CDH2: variants seen among roughly 807,000 people sequenced by gnomAD.
The protein encoded by CDH2 is cadherin-2.
A neutral mutation model predicts 92.0 loss-of-function variants in CDH2; 17 were observed. The observed-to-expected ratio is 0.18, with a 90% CI of 0.13 to 0.28. The LOEUF is 0.28. Ranked by LOEUF, CDH2 falls within the 10% of genes least tolerant of loss-of-function variation. CDH2 has a pLI of 1.00. For missense variants in CDH2, 862 were observed against 1,133.1 expected, an observed-to-expected ratio of 0.76 and a Z score of 3.44; for synonymous variants, 419 against 415.9, an observed-to-expected ratio of 1.01 and a Z score of -0.09.
chr18:28,072,826 G>A (rs1567987422), intron 2 of CDH2, among the ~76,000 whole-genome samples: 2 of 152,146 alleles, frequency 1.3e-5, no homozygotes, highest in African/African-American at 2.4e-5. Context: ...ACATGAAAGC[G>A]ACAACATATG....
intron 2 of CDH2, among the ~76,000 whole-genome samples, chr18:28,124,405 C>T: frequency 6.6e-6 from 1 of 152,092 alleles, no homozygotes; most frequent in African/African-American, 2.4e-5. Context: ...AAACCACACC[C>T]CTTTATCCTG....
intron 2 of CDH2, among the ~76,000 whole-genome samples, chr18:28,058,102 G>A (rs1381236725): frequency 6.6e-6 from 1 of 152,170 alleles, no homozygotes; most frequent in African/African-American, 2.4e-5. Context: ...ATTTCAATGG[G>A]ATGTAAATAT....
At chr18:28,066,576 A>G (rs2014511736) in intron 2 of CDH2, among the ~76,000 whole-genome samples, 1 of 152,158 alleles carries the variant, frequency 6.6e-6, no homozygotes, top group Non-Finnish European at 1.5e-5. Context: ...CAAGCATGTA[A>G]TTAAAACCAT....
Position 28,050,714 on chromosome 18 carries a change from C to T in CDH2, c.173-36805G>A, listed in dbSNP as rs541146561. Reference sequence around the variant, plus strand: ...CTTTTGTTGCTCTGCAGGGACTCATCTAGCACTGAAATAGCTCTCCCATTC... The same window carrying T: ...CTTTTGTTGCTCTGCAGGGACTCATTTAGCACTGAAATAGCTCTCCCATTC... On this transcript the variant is annotated intron_variant, in intron 2 of 15. Transcript: ENST00000269141. Among the ~76,000 whole-genome samples the T allele has an allele frequency of 5.6e-4, 86 of 152,278 alleles. 1 individual carries two copies. In the South Asian group the frequency reaches 0.017, roughly 31 times the overall value.
chr18:28,139,500 A>T (rs2015918723), intron 2 of CDH2, among the ~76,000 whole-genome samples: 1 of 151,976 alleles, frequency 6.6e-6, no homozygotes, highest in Non-Finnish European at 1.5e-5. Context: ...CAAGCTTCTG[A>T]TCCTTGTCCT....
intron 14 of CDH2, among the ~76,000 whole-genome samples, chr18:27,976,656 AATGT>A (rs1456161631): frequency 6.6e-6 from 1 of 152,210 alleles, no homozygotes; most frequent in Non-Finnish European, 1.5e-5. Flanking sequence ...CAAATGAACT[AATGT>A]ATATTTCAAT....
intron 2 of CDH2, among the ~76,000 whole-genome samples, chr18:28,071,648 T>C (rs1422489730): frequency 2.0e-5 from 3 of 152,240 alleles, no homozygotes; most frequent in Non-Finnish European, 4.4e-5. Context: ...CAAGTTGGCA[T>C]GCATTTTCTT....
intron 2 of CDH2, among the ~76,000 whole-genome samples, chr18:28,061,779 T>C (rs1234566162): frequency 6.6e-6 from 1 of 152,140 alleles, no homozygotes; most frequent in Non-Finnish European, 1.5e-5. Flanking sequence ...CGAAGGAATG[T>C]CTTACATGGC....
rs1365720446 is a variant in CDH2, at chr18:27,951,280, C to CT, written c.*872dup. ...TTAAAAAAATTAAAAATTGAGTATT[C>CT]TAACTACAGCTCAACAATTGAATCA... On this transcript the variant is annotated 3_prime_UTR_variant, in exon 16 of 16. Transcript: ENST00000269141. 6.6e-6 allele frequency: 1 copy of CT among 151,560 alleles called. No individual in the cohort carries two copies. The highest frequency in any genetic ancestry group is 1.5e-5 in the Non-Finnish European group (1 of 67,838). 9.4% of individuals were successfully genotyped at this position (151,560 alleles called of 1,614,324 possible).
At chr18:28,074,800 T>TA (rs1033268423) in intron 2 of CDH2, among the ~76,000 whole-genome samples, 7 of 150,724 alleles carry the variant, frequency 4.6e-5, no homozygotes, top group East Asian at 1.9e-4. Flanking sequence ...GCCTAATCAT[T>TA]AAAAAAAAAT....
intron 14 of CDH2, among the ~76,000 whole-genome samples, chr18:27,964,555 T>C (rs1273095889): frequency 6.6e-6 from 1 of 152,220 alleles, no homozygotes; most frequent in Non-Finnish European, 1.5e-5. Context: ...AGGCTTCATC[T>C]CTCTGTCTGA....
intron 1 of CDH2, among the ~76,000 whole-genome samples, chr18:28,169,521 T>A (rs1490803184): frequency 6.6e-6 from 1 of 152,150 alleles, no homozygotes; most frequent in Non-Finnish European, 1.5e-5. Context: ...CACCCAAACA[T>A]TAAGTAACAT....
chr18:28,146,178 T>C lies in CDH2; in HGVS notation c.172+1495A>G, dbSNP rs1039658832. 3 of 152,204 alleles carry C rather than the reference T, an allele frequency of 2.0e-5. No individual in the cohort carries two copies. In the East Asian group the frequency reaches 5.8e-4, roughly 29 times the overall value. The allele number at this position is 152,204 out of a possible 1,614,324, so 9.4% of individuals were successfully genotyped here. A position where few individuals can be genotyped will look rare whatever the true frequency, so the allele number is the denominator to read the frequency against. ...TACTTTAAACAACAAATTATAAGCTTTTAGAAAATGAAATTACCCATTTAA... is the reference window on the plus strand; with the variant it reads ...TACTTTAAACAACAAATTATAAGCTCTTAGAAAATGAAATTACCCATTTAA... On this transcript the variant is annotated intron_variant, in intron 2 of 15. Coordinates refer to ENST00000269141, the MANE Select transcript of CDH2 (RefSeq NM_001792.5).
intron 6 of CDH2, among the ~76,000 whole-genome samples, chr18:27,938,576 A>G (rs1909071640): frequency 1.3e-5 from 2 of 152,202 alleles, no homozygotes; most frequent in South Asian, 4.1e-4. Flanking sequence ...CACTGAAATT[A>G]AAGCAAGTTT....
intron 14 of CDH2, among the ~76,000 whole-genome samples, chr18:27,976,700 A>G (rs1299848123): frequency 6.6e-6 from 1 of 152,230 alleles, no homozygotes; most frequent in Non-Finnish European, 1.5e-5. Context: ...TACAGTGCCT[A>G]ACACAGGGTA....
At chr18:28,124,661 T>C (rs996762766) in intron 2 of CDH2, among the ~76,000 whole-genome samples, 2 of 152,214 alleles carry the variant, frequency 1.3e-5, no homozygotes, top group African/African-American at 4.8e-5. Context: ...GATTTTGTAT[T>C]CAACCACTGC....
intron 2 of CDH2, among the ~76,000 whole-genome samples, chr18:28,100,534 A>G (rs1193668660): frequency 6.6e-6 from 1 of 152,196 alleles, no homozygotes; most frequent in Admixed American, 6.5e-5. Context: ...TTCCTTAGAA[A>G]GAAAATCCTA....
chr18:28,115,652 A>G (rs560204834), intron 2 of CDH2, among the ~76,000 whole-genome samples: 1 of 152,274 alleles, frequency 6.6e-6, no homozygotes, highest in African/African-American at 2.4e-5. Flanking sequence ...CCAATTTATT[A>G]TGGGCCAGCT....
chr18:28,061,370 A>G (rs1311403070), intron 2 of CDH2, among the ~76,000 whole-genome samples: 5 of 152,130 alleles, frequency 3.3e-5, no homozygotes, highest in African/African-American at 1.2e-4. Flanking sequence ...TAGGCTGGGC[A>G]TGGTGGCTCA....
Sources: gnomAD v4.1 joint callset for allele counts (sites outside exome capture counted in the v4.1 genomes callset) on GRCh38, gnomAD v4.1.1 for gene constraint, MANE v1.5 for transcripts, NCBI Gene and HGNC (gene_info 2026-07-23, HGNC 2026-07-21) for gene names.